Variants in HSH2D observed in about 807,000 individuals in gnomAD.
The protein encoded by HSH2D is hematopoietic SH2 domain-containing protein.
HSH2D carries 16 observed loss-of-function variants against 21.5 expected under a neutral mutation model. The ratio of observed to expected loss-of-function variants is 0.74; its 90% CI spans 0.50 to 1.13. The LOEUF (loss-of-function observed/expected upper bound fraction) is 1.13. Among genes scored for constraint, HSH2D ranks in the 50% most tolerant of loss-of-function variants. The probability of loss-of-function intolerance (pLI) is 0.00; values close to 1 mark genes in which losing one functional copy is unlikely to be tolerated. For missense variants in HSH2D, 418 were observed against 441.4 expected, an observed-to-expected ratio of 0.95 and a Z score of 0.47; for synonymous variants, 172 against 184.7, an observed-to-expected ratio of 0.93 and a Z score of 0.56.
chr19:16,152,167 C>T (rs2091166474), intron 2 of HSH2D, among the ~76,000 whole-genome samples: 1 of 148,020 alleles, frequency 6.8e-6, no homozygotes, highest in Non-Finnish European at 1.5e-5. Flanking sequence ...CCTATAATCC[C>T]AGCACTTTGG....
In HSH2D at chr19:16,152,612, C is replaced by A; in HGVS notation, c.186C>A (p.His62Gln). Residue 62 changes from histidine (H) to glutamine (Q), a missense_variant, in exon 3 of 6, where the codon CAC becomes CAA. Transcript: ENST00000613986. Reference protein sequence around the residue: ...PLGSFLIRVSHSHVGYTLSYK... With the variant: ...PLGSFLIRVSQSHVGYTLSYK... ...GATCCTTTCTCATCAGGGTCAGTCA[C>A]AGCCATGTGGGCTACACACTCTCCT... The A allele has an allele frequency of 6.6e-7, 1 of 1,520,480 alleles. No homozygotes were observed. The allele number at this position is 1,520,480 out of a possible 1,614,324, so 94.2% of individuals were successfully genotyped here.
At chr19:16,153,335 GC>G (rs1451851682) in intron 4 of HSH2D, 127 bp downstream of exon 4, 2 of 926,138 alleles carry the variant, frequency 2.2e-6, no homozygotes, top group African/African-American at 1.7e-5. Flanking sequence ...GGCCCCTCCG[GC>G]CCCACCCCAG....
In HSH2D at chr19:16,157,369, G is replaced by A. The variant is rs550969697; in HGVS notation, c.634G>A (p.Glu212Lys). 2.8e-5 allele frequency: 45 copies of A among 1,613,904 alleles called. No individual in the cohort carries two copies. The highest frequency in any genetic ancestry group is 4.0e-5 in the African/African-American group (3 of 75,028). ...KLWRSLKMLP[E>K]RGQRVRQQLK... Reference sequence around the variant, plus strand: ...CTGGAGGAGCCTCAAAATGCTCCCCGAGAGAGGCCAGAGGGTCCGGCAGCA... The same window carrying A: ...CTGGAGGAGCCTCAAAATGCTCCCCAAGAGAGGCCAGAGGGTCCGGCAGCA... Residue 212 changes from glutamate (E) to lysine (K), a missense_variant, in exon 6 of 6, where the codon GAG (glutamate) becomes AAG (lysine). Glu to Lys is a moderately conservative substitution (Grantham distance 56). Coordinates refer to ENST00000613986, the MANE Select transcript of HSH2D (RefSeq NM_001382417.1). This position sits in a 1 kb window ranked among gnomAD's most constrained non-coding sequence, Gnocchi z 4.4.
In HSH2D at chr19:16,144,839, C is replaced by T. The variant is rs141654664; in HGVS notation, c.-28+1065C>T. Among the ~76,000 whole-genome samples the T allele has an allele frequency of 3.6e-3, 541 of 149,880 alleles. 3 individuals carry two copies. The highest frequency in any genetic ancestry group is 0.012 in the African/African-American group (509 of 40,794). The stretch of plus-strand genomic sequence containing the variant: ...TCCCAAGTAGCTGAGACTACAGGCG[C>T]CCGCCACCACACCCAGCTAATTTTT... On this transcript the variant is annotated intron_variant, in intron 1 of 5. Coordinates refer to ENST00000613986, the MANE Select transcript of HSH2D (RefSeq NM_001382417.1).
In HSH2D at chr19:16,157,318, C is replaced by T. The variant is rs1341207227; in HGVS notation, c.583C>T (p.Pro195Ser). ...CACTTCCTCCTGCCCCCCAAAATCC[C>T]CTCTTGGAGAGACCCGCCAGAAACT... ...EATSSCPPKS[P>S]LGETRQKLWR... Residue 195 changes from proline to serine, a missense_variant, in exon 6 of 6, where the codon CCT becomes TCT. Transcript: ENST00000613986. This position sits in a 1 kb window ranked among gnomAD's most constrained non-coding sequence, Gnocchi z 4.4. 1.5e-5 allele frequency: 25 copies of T among 1,613,200 alleles called. No homozygotes were observed. The highest frequency in any genetic ancestry group is 1.9e-5 in the Non-Finnish European group (22 of 1,179,692).
Position 16,154,365 on chromosome 19 carries a change from T to C in HSH2D, c.382-34T>C, listed in dbSNP as rs879576560. The C allele has an allele frequency of 2.9e-5, 42 of 1,450,290 alleles. No individual in the cohort carries two copies. The African/African-American group carries it at 5.8e-4, about 20-fold the overall frequency. The allele number at this position is 1,450,290 out of a possible 1,614,324, so 89.8% of individuals were successfully genotyped here. A position where few individuals can be genotyped will look rare whatever the true frequency, so the allele number is the denominator to read the frequency against. On this transcript the variant is annotated intron_variant, in intron 4 of 5. Transcript: ENST00000613986. ...TCCGTGCAGGACCTTTCCCCCTCCC[T>C]AGTGCTGAGCTACAGGCCCCTTCCG...
At position 16,152,108 on chromosome 19, in the gene HSH2D, CAA is replaced by C. The variant is rs35744412; in HGVS notation, c.126-428_126-427del. On this transcript the variant is annotated intron_variant, in intron 2 of 5. Coordinates refer to ENST00000613986, the MANE Select transcript of HSH2D (RefSeq NM_001382417.1). ...GAGACAGAGCGAGACTCTGTCTCAA[CAA>C]AAAAAAAAAAAAAAAGGAAAAAAGA... Among the ~76,000 whole-genome samples the C allele has an allele frequency of 7.0e-3, 620 of 89,122 alleles. 3 individuals are homozygous for C. Among genetic ancestry groups the C allele is most frequent in the African/African-American group, 0.021 (443 of 21,244 alleles). 58.5% of individuals were successfully genotyped at this position (89,122 alleles called of 152,430 possible).
At chr19:16,144,674 G>A (rs1599412024) in intron 1 of HSH2D, among the ~76,000 whole-genome samples, 1 of 146,624 alleles carries the variant, frequency 6.8e-6, no homozygotes, top group African/African-American at 2.5e-5. Context: ...CATCTGGGTC[G>A]AATTCTAGGC....
Position 16,150,534 on chromosome 19 carries a change from C to T in HSH2D, c.125+1659C>T, listed in dbSNP as rs575060680. Among the ~76,000 whole-genome samples, 213 of 149,042 alleles carry T rather than the reference C, an allele frequency of 1.4e-3. 1 individual carries two copies. The highest frequency in any genetic ancestry group is 2.6e-3 in the Non-Finnish European group (172 of 67,396). ...AGGCTGAGCAACAAGAGTAAAACTC[C>T]GTCTCAAAAAAAAAAAAATTAACTG... On this transcript the variant is annotated intron_variant, in intron 2 of 5. Coordinates refer to ENST00000613986, the MANE Select transcript of HSH2D (RefSeq NM_001382417.1).
chr19:16,157,831 G>T lies in HSH2D; in HGVS notation c.*37G>T. ...ACCCTGGCTCTGGGACTCGCTGCCA[G>T]GGGCTGCCACACTCCTGAATGCCTT... On this transcript the variant is annotated 3_prime_UTR_variant, in exon 6 of 6. Transcript: ENST00000613986. The surrounding 1 kb of genome is among the most constrained non-coding windows in gnomAD (Gnocchi z 4.4). 6.9e-7 allele frequency: 1 copy of T among 1,446,620 alleles called. No homozygotes were observed. 89.6% of individuals were successfully genotyped at this position (1,446,620 alleles called of 1,614,324 possible). A position where few individuals can be genotyped will look rare whatever the true frequency, so the allele number is the denominator to read the frequency against.
intron 1 of HSH2D, among the ~76,000 whole-genome samples, chr19:16,138,227 T>TCTCA (rs532529996): frequency 1.7e-3 from 254 of 152,306 alleles, no homozygotes; most frequent in African/African-American, 5.7e-3. Flanking sequence ...GTCTGGCTTC[T>TCTCA]CTCAGCATCA....
intron 4 of HSH2D, 47 bp downstream of exon 4, chr19:16,153,255 A>G: frequency 6.9e-7 from 1 of 1,452,016 alleles, no homozygotes; most frequent in Non-Finnish European, 9.1e-7. Context: ...CTTGGGGCCA[A>G]GCCCCCCAGA....
chr19:16,141,560 A>G (rs1045076273), upstream of HSH2D, among the ~76,000 whole-genome samples: 1 of 152,214 alleles, frequency 6.6e-6, no homozygotes, highest in Non-Finnish European at 1.5e-5. Flanking sequence ...AAAACTGAAC[A>G]TCCTAATAAT....
chr19:16,135,178 A>G (rs1413846395), intron 1 of HSH2D, among the ~76,000 whole-genome samples: 1 of 152,094 alleles, frequency 6.6e-6, no homozygotes, highest in Non-Finnish European at 1.5e-5. Flanking sequence ...AGGCTGAGGC[A>G]GGAGAATCGC....
chr19:16,154,256 T>C lies in HSH2D; in HGVS notation c.382-143T>C. On this transcript the variant is annotated intron_variant, in intron 4 of 5. Coordinates refer to ENST00000613986, the MANE Select transcript of HSH2D (RefSeq NM_001382417.1). ...AAGAAATGGCTGTGGGTGGGGCATATTTTCTTATAACGCTTAGTGGGCGTG... is the reference window on the plus strand; with the variant it reads ...AAGAAATGGCTGTGGGTGGGGCATACTTTCTTATAACGCTTAGTGGGCGTG... 3 of 550,178 alleles carry C rather than the reference T, an allele frequency of 5.5e-6. No individual in the cohort carries two copies. In the South Asian group the frequency reaches 6.5e-5, roughly 12 times the overall value. The allele number at this position is 550,178 out of a possible 1,614,324, so 34.1% of individuals were successfully genotyped here. A position where few individuals can be genotyped will look rare whatever the true frequency, so the allele number is the denominator to read the frequency against.
chr19:16,137,655 C>T (rs1007479073), intron 1 of HSH2D, among the ~76,000 whole-genome samples: 1 of 152,080 alleles, frequency 6.6e-6, no homozygotes, highest in African/African-American at 2.4e-5. Context: ...GATCATGGCT[C>T]ACTGCAGCCT....
At position 16,134,121 on chromosome 19, in the gene HSH2D, G is replaced by C. The variant is rs1137790; in HGVS notation, c.-438G>C. The C allele has an allele frequency of 7.2e-3, 1,095 of 152,522 alleles. 8 individuals carry two copies. Among genetic ancestry groups the C allele is most frequent in the African/African-American group, 0.025 (1,034 of 41,560 alleles). 9.4% of individuals were successfully genotyped at this position (152,522 alleles called of 1,614,324 possible). ...AAGATCACAGCAAAATCAGCAAAGG[G>C]AAAAGGCATGCAGAGTGAAGTCCAG... On this transcript the variant is annotated 5_prime_UTR_variant, in exon 1 of 8. Transcript: ENST00000616645.
intron 2 of HSH2D, chr19:16,151,590 T>C (rs2091151180): frequency 2.2e-6 from 1 of 455,654 alleles, no homozygotes; most frequent in Non-Finnish European, 4.4e-6. Flanking sequence ...TCCTTCTTTG[T>C]TACTTGTGAC....
At chr19:16,156,064 T>G (rs1200052363) in intron 5 of HSH2D, among the ~76,000 whole-genome samples, 2 of 151,716 alleles carry the variant, frequency 1.3e-5, no homozygotes, top group Admixed American at 1.3e-4. Context: ...GAAAGAAACA[T>G]GGATATTTGG....
Sources: allele counts gnomAD v4.1 joint callset (sites outside exome capture counted in the v4.1 genomes callset), GRCh38; gene constraint gnomAD v4.1.1; non-coding constraint Gnocchi (gnomAD v3.1); transcripts MANE v1.5; gene names NCBI Gene and HGNC (gene_info 2026-07-23, HGNC 2026-07-21).